Variants in INSRR observed in about 807,000 individuals in gnomAD.
INSRR encodes insulin receptor related receptor.
A neutral mutation model predicts 130.0 loss-of-function variants in INSRR; 114 were observed. The ratio of observed to expected loss-of-function variants is 0.88; its 90% CI spans 0.75 to 1.02. The LOEUF is 1.02. Ranked by LOEUF, INSRR falls within the 50% of genes least tolerant of loss-of-function variation. The probability of loss-of-function intolerance (pLI) is 0.00; values close to 1 mark genes in which losing one functional copy is unlikely to be tolerated. For missense variants in INSRR, 1,657 were observed against 1,735.2 expected, an observed-to-expected ratio of 0.95 and a Z score of 0.80; for synonymous variants, 674 against 705.2, an observed-to-expected ratio of 0.96 and a Z score of 0.70.
At chr1:156,841,295 T>A in intron 21 of INSRR, 99 bp downstream of exon 21, 1 of 1,186,026 alleles carries the variant, frequency 8.4e-7, no homozygotes, top group Non-Finnish European at 1.2e-6. Flanking sequence ...GGTCAGTGGA[T>A]GTCAAAGCAT....
chr1:156,856,149 A>G (rs1213303550), intron 1 of INSRR, among the ~76,000 whole-genome samples: 1 of 152,160 alleles, frequency 6.6e-6, no homozygotes. Flanking sequence ...TAATTTATAT[A>G]TTAACATAGA....
In INSRR at chr1:156,846,071, T is replaced by G. The variant is rs759758128; in HGVS notation, c.1859A>C (p.His620Pro). Residue 620 changes from histidine (H) to proline (P), a missense_variant, in exon 9 of 22, where the codon CAC becomes CCC. Coordinates refer to ENST00000368195, the MANE Select transcript of INSRR (RefSeq NM_014215.3). ...DVISTSNSSSHLLVRWKPPTQ... is the reference protein window; with the variant it reads ...DVISTSNSSSPLLVRWKPPTQ... The stretch of plus-strand genomic sequence containing the variant: ...CGGTGGCTTCCAGCGCACCAGGAGG[T>G]GGGAGGAGGAGTTGGACGTGGAGAT... The G allele has an allele frequency of 6.2e-7, 1 of 1,611,244 alleles. No individual in the cohort carries two copies.
rs1385424051 is a variant in INSRR at position 156,840,888 on chromosome 1, C to T, written c.3879G>A (p.Gly1293=). Residue 1293 remains glycine, a synonymous_variant, in exon 22 of 22, where the codon GGG becomes GGA. Coordinates refer to ENST00000368195, the MANE Select transcript of INSRR (RefSeq NM_014215.3). The stretch of plus-strand genomic sequence containing the variant: ...GAGGTGCCCCTCAGTGCCCTGGACC[C>T]CCATTTTGAGGGCTGCAGTCTCTTG... ...PTPRDCSPQN[G]GPGH 3.1e-6 allele frequency: 5 copies of T among 1,613,406 alleles called. No individual in the cohort carries two copies. The highest frequency in any genetic ancestry group is 4.2e-6 in the Non-Finnish European group (5 of 1,179,660).
chr1:156,853,899 C>G lies in INSRR; in HGVS notation c.490G>C (p.Ala164Pro), dbSNP rs750445285. The G allele has an allele frequency of 5.6e-6, 9 of 1,614,026 alleles. No homozygotes were observed. The highest frequency in any genetic ancestry group is 6.8e-6 in the Non-Finnish European group (8 of 1,180,036). ...AGCTTGTTGCCCACGATGTGGTTGG[C>G]GCCAGGTGCTGGCTGCAGCAGTCCC... ...DWGLLQPAPG[A>P]NHIVGNKLGE... The change falls in exon 2 of 22, where the codon GCC becomes CCC. Residue 164 changes from alanine (A) to proline (P), a missense_variant. Coordinates refer to ENST00000368195, the MANE Select transcript of INSRR (RefSeq NM_014215.3).
intron 8 of INSRR, 95 bp from the exon 9 acceptor site, chr1:156,846,214 G>T: frequency 7.7e-7 from 1 of 1,305,922 alleles, no homozygotes; most frequent in Non-Finnish European, 1.0e-6. Context: ...CAACAGCCTT[G>T]TTCTCCCAAA....
intron 9 of INSRR, 67 bp downstream of exon 9, chr1:156,845,885 G>C: frequency 6.3e-7 from 1 of 1,598,162 alleles, no homozygotes; most frequent in Non-Finnish European, 8.5e-7. Flanking sequence ...CACCTGCCGG[G>C]GCCCTGCGCC....
Position 156,845,096 on chromosome 1 carries a change from A to G in INSRR, c.2417T>C (p.Phe806Ser). The G allele has an allele frequency of 2.5e-6, 4 of 1,609,788 alleles. No homozygotes were observed. The highest frequency in any genetic ancestry group is 1.7e-6 in the Non-Finnish European group (2 of 1,178,558). Reference protein sequence around the residue: ...TVGCSAATFVFARTMPHREAD... With the variant: ...TVGCSAATFVSARTMPHREAD... ...CCTACTGTGGGGCATGGTGCGCGCA[A>G]AGACGAAGGTGGCGGCGCTGCAGCC... The change falls in exon 12 of 22, where the codon TTT becomes TCT. Residue 806 changes from phenylalanine to serine, a missense_variant. Phe to Ser is a radical substitution (Grantham distance 155). Coordinates refer to ENST00000368195, the MANE Select transcript of INSRR (RefSeq NM_014215.3).
chr1:156,848,828 CCT>C, intron 7 of INSRR, 91 bp downstream of exon 7: 1 of 1,450,728 alleles, frequency 6.9e-7, no homozygotes, highest in Non-Finnish European at 9.3e-7. Context: ...GTCTTCATAG[CCT>C]CGCTGAGCTC....
chr1:156,841,913 A>C, intron 19 of INSRR, 119 bp from the exon 20 acceptor site: 1 of 1,575,778 alleles, frequency 6.3e-7, no homozygotes, highest in Non-Finnish European at 8.7e-7. Flanking sequence ...AACCCTGGAA[A>C]GTAGGGGCTC....
intron 7 of INSRR, among the ~76,000 whole-genome samples, chr1:156,847,168 C>T (rs1655043236): frequency 2.0e-5 from 3 of 152,226 alleles, no homozygotes; most frequent in South Asian, 2.1e-4. Context: ...AGTGTCTTCA[C>T]TTAGGCCCTT....
intron 17 of INSRR, 47 bp downstream of exon 17, chr1:156,842,957 C>A (rs753665667): frequency 1.3e-5 from 18 of 1,436,212 alleles, no homozygotes; most frequent in East Asian, 2.3e-5. Context: ...TACCACATGA[C>A]CTTTACACTA....
intron 21 of INSRR, 55 bp downstream of exon 21, chr1:156,841,339 G>T (rs138603010): frequency 7.0e-5 from 108 of 1,549,466 alleles, no homozygotes; most frequent in Non-Finnish European, 8.9e-5. Context: ...GGGGCCGGGT[G>T]GGGGAGGGTT....
chr1:156,842,613 C>A, intron 17 of INSRR, 105 bp from the exon 18 acceptor site: 1 of 784,656 alleles, frequency 1.3e-6, no homozygotes, highest in Non-Finnish European at 2.2e-6. Flanking sequence ...CCAAACCTGA[C>A]CCTAACCCCA....
At chr1:156,846,821 C>G in intron 7 of INSRR, 64 bp from the exon 8 acceptor site, 3 of 1,280,336 alleles carry the variant, frequency 2.3e-6, no homozygotes. Context: ...GGCACCCCCG[C>G]TCTGAATCAC....
At chr1:156,842,025 G>A (rs1272574434) in intron 19 of INSRR, 87 bp downstream of exon 19, 2 of 1,591,360 alleles carry the variant, frequency 1.3e-6, no homozygotes, top group East Asian at 2.3e-5. Flanking sequence ...AGGCTGTCAG[G>A]ACCAGGGCTG....
rs1159175574 is a variant in INSRR at position 156,854,268 on chromosome 1, C to G, written c.121G>C (p.Glu41Gln). Residue 41 changes from glutamate (E) to glutamine (Q), a missense_variant, in exon 2 of 22, where the codon GAG becomes CAG. Coordinates refer to ENST00000368195, the MANE Select transcript of INSRR (RefSeq NM_014215.3). The surrounding 1 kb of genome is among the most constrained non-coding windows in gnomAD (Gnocchi z 4.2). ...PSLDIRSEVA[E>Q]LRQLENCSVV... ...CTGCAGTTCTCCAGCTGACGAAGCTCTGCCACCTCTGAGCGAATATCCAGG... is the reference window on the plus strand; with the variant it reads ...CTGCAGTTCTCCAGCTGACGAAGCTGTGCCACCTCTGAGCGAATATCCAGG... 1.9e-6 allele frequency: 3 copies of G among 1,613,292 alleles called. No individual in the cohort carries two copies. Among genetic ancestry groups the G allele is most frequent in the East Asian group, 2.2e-5 (1 of 44,880 alleles).
Position 156,841,766 on chromosome 1 carries a change from C to T in INSRR, c.3426G>A (p.Glu1142=). 1.2e-6 allele frequency: 2 copies of T among 1,614,180 alleles called. No homozygotes were observed. Among genetic ancestry groups the T allele is most frequent in the Non-Finnish European group, 1.7e-6 (2 of 1,180,022 alleles). The change falls in exon 20 of 22, where the codon GAG becomes GAA. Residue 1142 remains glutamate, a synonymous_variant. Coordinates refer to ENST00000368195, the MANE Select transcript of INSRR (RefSeq NM_014215.3). ...TCCCACCCTTGCGGTAATAGTCTGT[C>T]TCATACACGTCCCGAGTCATCCCGA... ...GDFGMTRDVY[E]TDYYRKGGKG...
Position 156,849,476 on chromosome 1 carries a change from GGACCT to G in INSRR, c.1230-21_1230-17del. The stretch of plus-strand genomic sequence containing the variant: ...AGTGTAGTTCCTGGGGGAGGCCAGG[GGACCT>G]TGCTCTGCGGGGAGGTGGGGGCAGG... On this transcript the variant is annotated splice_polypyrimidine_tract_variant and intron_variant, in intron 5 of 21. Coordinates refer to ENST00000368195, the MANE Select transcript of INSRR (RefSeq NM_014215.3). The G allele has an allele frequency of 6.4e-7, 1 of 1,571,872 alleles. No individual in the cohort carries two copies. The highest frequency in any genetic ancestry group is 8.7e-7 in the Non-Finnish European group (1 of 1,144,324).
intron 14 of INSRR, 86 bp from the exon 15 acceptor site, chr1:156,844,366 G>T (rs1654909546): frequency 4.5e-6 from 7 of 1,549,824 alleles, no homozygotes; most frequent in Non-Finnish European, 5.3e-6. Context: ...GCTGGGAGGT[G>T]AGGATGGGGA....
Sources: gnomAD v4.1 joint callset for allele counts (sites outside exome capture counted in the v4.1 genomes callset) on GRCh38, gnomAD v4.1.1 for gene constraint, Gnocchi (gnomAD v3.1) non-coding constraint, MANE v1.5 for transcripts, NCBI Gene and HGNC (gene_info 2026-07-23, HGNC 2026-07-21) for gene names.